ASTN2: variants seen among roughly 807,000 people sequenced by gnomAD.
ASTN2 encodes astrotactin 2.
A neutral mutation model predicts 139.8 loss-of-function variants in ASTN2; 54 were observed. That is an observed-to-expected ratio of 0.39 (90% CI 0.31 to 0.48). ASTN2 has a LOEUF of 0.48. ASTN2 is among the 20% of genes least tolerant of loss of function. ASTN2 has a pLI of 0.95. For synonymous variants in ASTN2, 756 were observed against 719.5 expected, an observed-to-expected ratio of 1.05 and a Z score of -0.81; for missense variants, 1,565 against 1,725.1, an observed-to-expected ratio of 0.91 and a Z score of 1.64.
At chr9:117,370,385 C>T (rs369240127) in intron 1 of ASTN2, among the ~76,000 whole-genome samples, 6 of 152,176 alleles carry the variant, frequency 3.9e-5, no homozygotes, top group South Asian at 2.1e-4. Flanking sequence ...CAAAGGCACA[C>T]GGCCTCTAAG....
intron 3 of ASTN2, among the ~76,000 whole-genome samples, chr9:117,186,317 C>T (rs575371839): frequency 1.3e-4 from 20 of 152,078 alleles, no homozygotes; most frequent in African/African-American, 4.1e-4. Flanking sequence ...GAGGCTGAGG[C>T]GGGCAGATCA....
chr9:117,296,277 C>CAAAA (rs5900277), intron 1 of ASTN2, among the ~76,000 whole-genome samples: 88 of 70,988 alleles, frequency 1.2e-3, no homozygotes, highest in African/African-American at 4.6e-3. Flanking sequence ...GACTGCATCT[C>CAAAA]AAAAAAAAAA....
rs1829133961 is a variant in ASTN2 at position 116,742,980 on chromosome 9, A to G, written c.2397-9457T>C. 2.0e-5 allele frequency among the ~76,000 whole-genome samples: 3 copies of G among 152,062 alleles called. No individual in the cohort carries two copies. The South Asian group carries it at 6.2e-4, about 32-fold the overall frequency. ...ACTACCCAAGACCATCCATACCTCA[A>G]TGGATGCCAGTGCCAGCGCTCAGAG... is the stretch of plus-strand genomic sequence containing the variant. On this transcript the variant is annotated intron_variant, in intron 13 of 22. Coordinates refer to ENST00000313400, the MANE Select transcript of ASTN2 (RefSeq NM_001365068.1).
At chr9:117,310,210 A>G (rs549840444) in intron 1 of ASTN2, among the ~76,000 whole-genome samples, 1 of 152,190 alleles carries the variant, frequency 6.6e-6, no homozygotes, top group East Asian at 1.9e-4. Context: ...CCTTTCCCTC[A>G]CTTGTCCTCA....
At chr9:117,230,984 TG>T (rs753753965) in intron 2 of ASTN2, among the ~76,000 whole-genome samples, 1 of 152,160 alleles carries the variant, frequency 6.6e-6, no homozygotes, top group Non-Finnish European at 1.5e-5. Context: ...AAATAACACC[TG>T]GGGATGCTCA....
At chr9:116,681,241 G>T (rs1193530327) in intron 16 of ASTN2, among the ~76,000 whole-genome samples, 6 of 152,124 alleles carry the variant, frequency 3.9e-5, no homozygotes, top group African/African-American at 1.4e-4. Context: ...CAGACAAACG[G>T]AGAGCCAAAT....
At chr9:116,999,746 G>A (rs962392953) in intron 7 of ASTN2, among the ~76,000 whole-genome samples, 35 of 151,854 alleles carry the variant, frequency 2.3e-4, no homozygotes, top group Non-Finnish European at 5.0e-4. Flanking sequence ...TTTTAGTAGA[G>A]ACAGAGTTTC....
Position 116,425,770 on chromosome 9 carries a change from C to A in ASTN2, c.*81G>T. On this transcript the variant is annotated 3_prime_UTR_variant, in exon 23 of 23. Coordinates refer to ENST00000313400, the MANE Select transcript of ASTN2 (RefSeq NM_001365068.1). ...GCCCATCCTCAGCTGTCCCCCAGCC[C>A]ACCCAGGCCCCAGGATCCAGGAGAA... 5 of 1,606,136 alleles carry A rather than the reference C, an allele frequency of 3.1e-6. No individual in the cohort carries two copies. The highest frequency in any genetic ancestry group is 4.3e-6 in the Non-Finnish European group (5 of 1,175,406).
rs534768887 is a variant in ASTN2 at position 116,684,631 on chromosome 9, C to A, written c.2807-32838G>T. Among the ~76,000 whole-genome samples the A allele has an allele frequency of 2.6e-5, 4 of 152,280 alleles. No individual in the cohort carries two copies. The East Asian group carries it at 7.7e-4, about 29-fold the overall frequency. On this transcript the variant is annotated intron_variant, in intron 16 of 22. Coordinates refer to ENST00000313400, the MANE Select transcript of ASTN2 (RefSeq NM_001365068.1). ...GCCATGCAAGCCTTAGAAGCCCAGC[C>A]AGACCTGCATGAGTCGCTCAGACAC...
chr9:116,807,721 G>C (rs976914363), intron 12 of ASTN2, among the ~76,000 whole-genome samples: 1 of 152,134 alleles, frequency 6.6e-6, no homozygotes, highest in African/African-American at 2.4e-5. Context: ...ACACTGGCTA[G>C]AGTTCTCTCT....
At chr9:116,866,182 C>T (rs914211634) in intron 10 of ASTN2, among the ~76,000 whole-genome samples, 1 of 152,174 alleles carries the variant, frequency 6.6e-6, no homozygotes, top group African/African-American at 2.4e-5. Flanking sequence ...TCTCTTTAGT[C>T]CCCAGCACAG....
intron 2 of ASTN2, among the ~76,000 whole-genome samples, chr9:117,265,420 C>G (rs964857474): frequency 6.6e-6 from 1 of 152,168 alleles, no homozygotes; most frequent in African/African-American, 2.4e-5. Flanking sequence ...TGATTCCCGG[C>G]ACTGCAGCCT....
intron 20 of ASTN2, among the ~76,000 whole-genome samples, chr9:116,451,832 A>ATTTG (rs1554765861): frequency 6.6e-6 from 1 of 150,836 alleles, no homozygotes; most frequent in Non-Finnish European, 1.5e-5. Context: ...TATGCAAATG[A>ATTTG]TCTGAGTGTA....
At position 117,320,268 on chromosome 9, in the gene ASTN2, A is replaced by G. The variant is rs530920011; in HGVS notation, c.443-28755T>C. Among the ~76,000 whole-genome samples the G allele has an allele frequency of 3.3e-5, 5 of 152,298 alleles. No homozygotes were observed. In the South Asian group the frequency reaches 1.0e-3, roughly 32 times the overall value. On this transcript the variant is annotated intron_variant, in intron 1 of 22. Transcript: ENST00000313400. ...TAACTGAAATAAAATACAGAACTGA[A>G]CTGAACTGAAATGAAATACAGAACT...
intron 2 of ASTN2, among the ~76,000 whole-genome samples, chr9:117,269,420 T>G (rs1238371929): frequency 6.6e-6 from 1 of 152,234 alleles, no homozygotes; most frequent in Non-Finnish European, 1.5e-5. Flanking sequence ...TTCTCCTCTA[T>G]TTCTGCGCTT....
intron 1 of ASTN2, among the ~76,000 whole-genome samples, chr9:117,314,471 C>A (rs948255520): frequency 2.6e-5 from 4 of 151,552 alleles, no homozygotes; most frequent in African/African-American, 9.7e-5. Flanking sequence ...TGTGGCCCTG[C>A]GGTTGCTGTC....
At chr9:117,063,229 A>G (rs889970656) in intron 5 of ASTN2, among the ~76,000 whole-genome samples, 1 of 152,236 alleles carries the variant, frequency 6.6e-6, no homozygotes, top group African/African-American at 2.4e-5. Flanking sequence ...CATAAGGTAC[A>G]TTTCTTCAGG....
Position 116,698,166 on chromosome 9 carries a change from G to A in ASTN2, c.2806+27605C>T, listed in dbSNP as rs1860973836. On this transcript the variant is annotated intron_variant, in intron 16 of 22. Transcript: ENST00000313400. This position sits in a 1 kb window ranked among gnomAD's most constrained non-coding sequence, Gnocchi z 4.4. Reference sequence around the variant, plus strand: ...CTGTACACTCCCTGTCAAAGAAGCAGCTGAGGAGCGGCGTCGGGACTTTGG... The same window carrying A: ...CTGTACACTCCCTGTCAAAGAAGCAACTGAGGAGCGGCGTCGGGACTTTGG... The A allele has an allele frequency of 6.2e-7, 1 of 1,614,070 alleles. No homozygotes were observed. The highest frequency in any genetic ancestry group is 8.5e-7 in the Non-Finnish European group (1 of 1,180,060).
chr9:117,303,946 G>T (rs1408054886), intron 1 of ASTN2, among the ~76,000 whole-genome samples: 1 of 152,190 alleles, frequency 6.6e-6, no homozygotes, highest in African/African-American at 2.4e-5. Context: ...CCCTGCAATT[G>T]TCATGTGAGA....
Sources: gnomAD v4.1 joint callset for allele counts (sites outside exome capture counted in the v4.1 genomes callset) on GRCh38, gnomAD v4.1.1 for gene constraint, Gnocchi (gnomAD v3.1) non-coding constraint, MANE v1.5 for transcripts, NCBI Gene and HGNC (gene_info 2026-07-23, HGNC 2026-07-21) for gene names.